The following GRM8 variants were observed in gnomAD, a reference collection of about 807,000 sequenced individuals.
GRM8 encodes metabotropic glutamate receptor 8.
In GRM8, 47 loss-of-function variants were observed where a neutral mutation model predicts 87.2. That is an observed-to-expected ratio of 0.54 (90% CI 0.43 to 0.69). The LOEUF is 0.69. Among genes scored for constraint, GRM8 ranks in the 30% least tolerant of loss-of-function variants. The probability of loss-of-function intolerance (pLI) is 0.00; values close to 1 mark genes in which losing one functional copy is unlikely to be tolerated. For missense variants in GRM8, 1,019 were observed against 1,139.2 expected (o/e 0.89, Z 1.52); for synonymous variants, 396 against 404.5 (o/e 0.98, Z 0.25).
intron 7 of GRM8, among the ~76,000 whole-genome samples, chr7:126,723,383 C>T (rs1012943277): frequency 1.3e-5 from 2 of 152,014 alleles, no homozygotes; most frequent in African/African-American, 4.8e-5. Flanking sequence ...AGATGTAGAC[C>T]TGCGGCCAAC....
chr7:126,624,190 T>C (rs1324021358), intron 7 of GRM8, among the ~76,000 whole-genome samples: 2 of 152,188 alleles, frequency 1.3e-5, no homozygotes, highest in African/African-American at 2.4e-5. Flanking sequence ...TATCCTTCAA[T>C]GGCTTCCCAT....
At chr7:126,803,862 A>C (rs1792369265) in intron 6 of GRM8, among the ~76,000 whole-genome samples, 1 of 152,218 alleles carries the variant, frequency 6.6e-6, no homozygotes, top group Non-Finnish European at 1.5e-5. Flanking sequence ...CATAGGATTA[A>C]ATGAGAGATC....
chr7:126,565,548 C>T (rs985922595), intron 8 of GRM8, among the ~76,000 whole-genome samples: 5 of 152,058 alleles, frequency 3.3e-5, no homozygotes, highest in Admixed American at 3.3e-4. Context: ...ATTAAAGACA[C>T]AAACAAATGG....
chr7:126,531,292 T>C (rs1814779008), intron 9 of GRM8, among the ~76,000 whole-genome samples: 1 of 152,230 alleles, frequency 6.6e-6, no homozygotes, highest in African/African-American at 2.4e-5. Context: ...CTTTAGCCTT[T>C]TTCACATTCA....
intron 9 of GRM8, among the ~76,000 whole-genome samples, chr7:126,503,739 T>G (rs963202723): frequency 1.3e-5 from 2 of 152,072 alleles, no homozygotes; most frequent in Non-Finnish European, 2.9e-5. Context: ...CAGTGTGTAT[T>G]AGGCCCTCCT....
At chr7:126,654,619 G>A (rs752179345) in intron 7 of GRM8, among the ~76,000 whole-genome samples, 12 of 152,184 alleles carry the variant, frequency 7.9e-5, no homozygotes, top group South Asian at 2.1e-4. Context: ...AATTATTAGC[G>A]GCTTATCAGC....
intron 3 of GRM8, among the ~76,000 whole-genome samples, chr7:126,907,287 G>GGA (rs1802810790): frequency 2.4e-5 from 3 of 123,230 alleles, no homozygotes; most frequent in Non-Finnish European, 3.5e-5. Flanking sequence ...AAGAAGAAAG[G>GGA]GGAGGAGGAA....
At chr7:126,468,171 T>G (rs1193067165) in intron 9 of GRM8, among the ~76,000 whole-genome samples, 1 of 152,080 alleles carries the variant, frequency 6.6e-6, no homozygotes. Flanking sequence ...ATATCTGCCC[T>G]TATTGCTTGC....
intron 3 of GRM8, among the ~76,000 whole-genome samples, chr7:127,075,370 T>C (rs1468096): frequency 0.3 from 45,102 of 152,178 alleles, 7,107 homozygotes; most frequent in Non-Finnish European, 0.36. Flanking sequence ...AATTTGGCTA[T>C]ATTCATAGTT....
intron 2 of GRM8, among the ~76,000 whole-genome samples, chr7:127,134,737 C>CA (rs1410748016): frequency 6.6e-6 from 1 of 152,030 alleles, no homozygotes; most frequent in Non-Finnish European, 1.5e-5. Flanking sequence ...TTCTTATATA[C>CA]AAAAAAAGTT....
chr7:126,927,911 T>G lies in GRM8; in HGVS notation c.728-23228A>C, dbSNP rs568469243. On this transcript the variant is annotated intron_variant, in intron 3 of 10. Transcript: ENST00000339582. ...TAAATCATTCTACTATAAAGACACA[T>G]GTACATGTATGTTTATTGTGGCACT... Among the ~76,000 whole-genome samples, 3 of 152,270 alleles carry G rather than the reference T, an allele frequency of 2.0e-5. No individual in the cohort carries two copies. The South Asian group carries it at 6.2e-4, about 32-fold the overall frequency.
chr7:126,696,647 G>T (rs1026058545), intron 7 of GRM8, among the ~76,000 whole-genome samples: 2 of 152,066 alleles, frequency 1.3e-5, no homozygotes, highest in Non-Finnish European at 2.9e-5. Context: ...TAAGAAACTG[G>T]AACATGTTTA....
chr7:126,542,514 CT>C (rs1293988566), intron 8 of GRM8, among the ~76,000 whole-genome samples: 1 of 152,192 alleles, frequency 6.6e-6, no homozygotes, highest in Admixed American at 6.5e-5. Context: ...GGAGGTGAGA[CT>C]GCCTTGAAAG....
At chr7:127,063,874 C>G (rs558346327) in intron 3 of GRM8, among the ~76,000 whole-genome samples, 25 of 152,288 alleles carry the variant, frequency 1.6e-4, no homozygotes, top group African/African-American at 2.4e-4. Context: ...CTTAATTTCA[C>G]TATTTACCCA....
intron 8 of GRM8, among the ~76,000 whole-genome samples, chr7:126,568,402 G>T (rs1419495): frequency 6.6e-6 from 1 of 151,920 alleles, no homozygotes; most frequent in African/African-American, 2.4e-5. Flanking sequence ...CGGAACTGAT[G>T]TAAGTCTTTA....
chr7:127,248,516 A>G (rs1035747883), intron 1 of GRM8, among the ~76,000 whole-genome samples: 4 of 152,178 alleles, frequency 2.6e-5, no homozygotes, highest in Non-Finnish European at 5.9e-5. Flanking sequence ...CACTGATTCT[A>G]GTCTTACTTC....
chr7:126,820,876 G>A (rs898405292), intron 6 of GRM8, among the ~76,000 whole-genome samples: 10 of 152,200 alleles, frequency 6.6e-5, no homozygotes, highest in South Asian at 4.1e-4. Flanking sequence ...CAAGGTGGGC[G>A]GATCGCTTGA....
At chr7:126,832,953 A>G (rs1795531599) in intron 6 of GRM8, among the ~76,000 whole-genome samples, 1 of 152,256 alleles carries the variant, frequency 6.6e-6, no homozygotes, top group African/African-American at 2.4e-5. Flanking sequence ...AATCTCAAAA[A>G]TAATGACATG....
intron 6 of GRM8, among the ~76,000 whole-genome samples, chr7:126,880,983 A>T: frequency 6.6e-6 from 1 of 152,178 alleles, no homozygotes; most frequent in East Asian, 1.9e-4. Flanking sequence ...AAGAAGAAAC[A>T]ATATTTTGCT....
Sources: allele counts gnomAD v4.1 joint callset (sites outside exome capture counted in the v4.1 genomes callset), GRCh38; gene constraint gnomAD v4.1.1; transcripts MANE v1.5; gene names NCBI Gene and HGNC (gene_info 2026-07-23, HGNC 2026-07-21).